TENT4A: variants seen among roughly 807,000 people sequenced by gnomAD.
The protein encoded by TENT4A is DNA polymerase kappa.
Under a neutral mutation model 72.8 loss-of-function variants are expected in TENT4A, and 7 were observed. That is an observed-to-expected ratio of 0.10 (90% CI 0.05 to 0.18). TENT4A has a LOEUF of 0.18. Ranked by LOEUF, TENT4A falls within the 10% of genes least tolerant of loss-of-function variation. TENT4A has a pLI of 1.00. For synonymous variants in TENT4A, 456 were observed against 434.3 expected, an observed-to-expected ratio of 1.05 and a Z score of -0.62; for missense variants, 831 against 1,017.7, an observed-to-expected ratio of 0.82 and a Z score of 2.50.
intron 1 of TENT4A, among the ~76,000 whole-genome samples, chr5:6,721,908 G>C (rs944663222): frequency 2.6e-5 from 4 of 152,180 alleles, no homozygotes; most frequent in South Asian, 2.1e-4. Flanking sequence ...GGTGATTTCT[G>C]TCTTTCCGTT....
At chr5:6,746,182 C>A in intron 6 of TENT4A, 32 bp from the exon 7 acceptor site, 1 of 1,613,946 alleles carries the variant, frequency 6.2e-7, no homozygotes, top group South Asian at 1.1e-5. Flanking sequence ...TGCCATGAAT[C>A]CATACAAATT....
intron 1 of TENT4A, among the ~76,000 whole-genome samples, chr5:6,721,448 A>G (rs997732625): frequency 5.9e-5 from 9 of 152,252 alleles, no homozygotes; most frequent in Admixed American, 2.0e-4. Context: ...TTTGAAAAAC[A>G]TCACCATTTA....
intron 1 of TENT4A, among the ~76,000 whole-genome samples, chr5:6,727,758 C>T (rs567484134): frequency 3.9e-5 from 6 of 152,316 alleles, no homozygotes; most frequent in African/African-American, 1.2e-4. Flanking sequence ...ATTTTGGCTA[C>T]TTATCTTCCC....
At chr5:6,728,149 G>A (rs894487342) in intron 1 of TENT4A, among the ~76,000 whole-genome samples, 13 of 152,268 alleles carry the variant, frequency 8.5e-5, no homozygotes, top group African/African-American at 2.9e-4. Context: ...CACGGCGCCC[G>A]TGAGGTGTAG....
chr5:6,751,030 G>C lies in TENT4A; in HGVS notation c.1861-9G>C, dbSNP rs1742370142. 6.2e-7 allele frequency: 1 copy of C among 1,613,142 alleles called. No individual in the cohort carries two copies. The highest frequency in any genetic ancestry group is 8.5e-7 in the Non-Finnish European group (1 of 1,179,456). The stretch of plus-strand genomic sequence containing the variant: ...AGCTGTCCTTTTTGTTTTTTGTACC[G>C]GGTTCAAGGATTCAGACACACCGCC... On this transcript the variant is annotated splice_polypyrimidine_tract_variant and intron_variant, in intron 10 of 12. Transcript: ENST00000230859.
In TENT4A at chr5:6,738,650, T is replaced by C. The variant is rs1449189675; in HGVS notation, c.841-33T>C. 4 of 1,549,430 alleles carry C rather than the reference T, an allele frequency of 2.6e-6. No individual in the cohort carries two copies. In the African/African-American group the frequency reaches 4.1e-5, roughly 16 times the overall value. On this transcript the variant is annotated intron_variant, in intron 2 of 12. Transcript: ENST00000230859. Reference sequence around the variant, plus strand: ...GGTAGTGTGACTGCTTGGTTTGTGGTATACATTTTAAGGCAACCACTCTTT... The same window carrying C: ...GGTAGTGTGACTGCTTGGTTTGTGGCATACATTTTAAGGCAACCACTCTTT...
At chr5:6,728,699 C>T (rs973159335) in intron 1 of TENT4A, among the ~76,000 whole-genome samples, 5 of 152,204 alleles carry the variant, frequency 3.3e-5, no homozygotes, top group Non-Finnish European at 7.3e-5. Context: ...GCTGGTGTGA[C>T]TTTAGTGTAA....
At chr5:6,754,614 G>T in intron 12 of TENT4A, 137 bp from the exon 13 acceptor site, 1 of 509,650 alleles carries the variant, frequency 2.0e-6, no homozygotes. Context: ...TGGAGGAGTT[G>T]GGAAGTCCCA....
intron 12 of TENT4A, among the ~76,000 whole-genome samples, chr5:6,753,779 G>T (rs1032197550): frequency 1.3e-5 from 2 of 152,224 alleles, no homozygotes; most frequent in African/African-American, 2.4e-5. Flanking sequence ...TTGAGGCTTT[G>T]TTGGCCCTGT....
At chr5:6,724,007 G>GGCAGC (rs1740782931) in intron 1 of TENT4A, among the ~76,000 whole-genome samples, 1 of 152,232 alleles carries the variant, frequency 6.6e-6, no homozygotes, top group Non-Finnish European at 1.5e-5. Flanking sequence ...AGGCAGGACT[G>GGCAGC]GCAGCGCAGC....
In TENT4A at chr5:6,714,675, G is replaced by A. The variant is rs1740269217; in HGVS notation, c.692G>A (p.Arg231His). 1 of 1,195,598 alleles carries A rather than the reference G, an allele frequency of 8.4e-7. No individual in the cohort carries two copies. The highest frequency in any genetic ancestry group is 1.6e-5 in the African/African-American group (1 of 62,930). The allele number at this position is 1,195,598 out of a possible 1,614,324, so 74.1% of individuals were successfully genotyped here. The change falls in exon 1 of 13, where the codon CGC becomes CAC. Residue 231 changes from arginine to histidine, a missense_variant. Around this residue, in one of 3 missense-constraint regions of TENT4A, gnomAD observed 302 missense variants for 293.8 expected, o/e 1.03. Transcript: ENST00000230859. Reference protein sequence around the residue: ...APRPGTPWKSRAYSPGIQGLH... With the variant: ...APRPGTPWKSHAYSPGIQGLH... ...CGGCCCGGCACCCCGTGGAAGAGCCGCGCGTACAGCCCGGGCATCCAGGGG... is the reference window on the plus strand; with the variant it reads ...CGGCCCGGCACCCCGTGGAAGAGCCACGCGTACAGCCCGGGCATCCAGGGG...
chr5:6,748,274 T>C (rs994637524), intron 7 of TENT4A, among the ~76,000 whole-genome samples, 190 bp from the exon 8 acceptor site: 1 of 152,220 alleles, frequency 6.6e-6, no homozygotes, highest in Non-Finnish European at 1.5e-5. Flanking sequence ...TGCATGGTGA[T>C]TGACAGGGCC....
intron 11 of TENT4A, among the ~76,000 whole-genome samples, chr5:6,751,786 A>G (rs1219625866): frequency 6.6e-6 from 1 of 152,232 alleles, no homozygotes; most frequent in East Asian, 1.9e-4. Flanking sequence ...AAAACCCAAC[A>G]TGTTAATTGA....
chr5:6,745,333 G>C (rs1240180369), intron 6 of TENT4A, among the ~76,000 whole-genome samples: 2 of 152,138 alleles, frequency 1.3e-5, no homozygotes, highest in African/African-American at 4.8e-5. Flanking sequence ...GTTATAAATA[G>C]TTTCAAGCAC....
chr5:6,721,661 G>A (rs901804407), intron 1 of TENT4A, among the ~76,000 whole-genome samples: 9 of 152,210 alleles, frequency 5.9e-5, no homozygotes, highest in African/African-American at 1.4e-4. Flanking sequence ...ATCTGGGCCC[G>A]GGCGGGGTGG....
rs186767171 is a variant in TENT4A, at chr5:6,748,623, C to T, written c.1586+33C>T. On this transcript the variant is annotated intron_variant, in intron 8 of 12. Transcript: ENST00000230859. ...GTTGTGTGTCTGCGTCTGGGCTCAG[C>T]GTGCCTGTGGGATGGTACTTATCCC... The T allele has an allele frequency of 4.5e-3, 7,114 of 1,594,410 alleles. 19 individuals are homozygous for T. The highest frequency in any genetic ancestry group is 5.5e-3 in the Non-Finnish European group (6,396 of 1,163,564).
At chr5:6,736,239 ACT>A (rs1366411572) in intron 1 of TENT4A, among the ~76,000 whole-genome samples, 1 of 151,564 alleles carries the variant, frequency 6.6e-6, no homozygotes, top group East Asian at 1.9e-4. Flanking sequence ...ACTCCAAATG[ACT>A]CTTTTGGCGG....
At chr5:6,738,166 C>T (rs1741608926) in intron 2 of TENT4A, among the ~76,000 whole-genome samples, 1 of 151,876 alleles carries the variant, frequency 6.6e-6, no homozygotes, top group African/African-American at 2.4e-5. Context: ...GTGAAGCCTG[C>T]CCCTGGCCGG....
chr5:6,727,832 G>C (rs1051349514), intron 1 of TENT4A, among the ~76,000 whole-genome samples: 2 of 152,078 alleles, frequency 1.3e-5, no homozygotes, highest in African/African-American at 4.8e-5. Context: ...TCATCATCCT[G>C]CCCACAGCTC....
Sources: gnomAD v4.1 joint callset for allele counts (sites outside exome capture counted in the v4.1 genomes callset) on GRCh38, gnomAD v4.1.1 for gene constraint, gnomAD v4.1.1 regional missense constraint, MANE v1.5 for transcripts, NCBI Gene and HGNC (gene_info 2026-07-23, HGNC 2026-07-21) for gene names.